The following MACROD2 variants were observed in gnomAD, a reference collection of about 807,000 sequenced individuals.
MACROD2 encodes the protein ADP-ribose glycohydrolase MACROD2.
In MACROD2, 36 loss-of-function variants were observed where a neutral mutation model predicts 70.4. The observed-to-expected ratio is 0.51, with a 90% CI of 0.39 to 0.68. The LOEUF (loss-of-function observed/expected upper bound fraction) is 0.68, where lower values mean the gene tolerates loss of function less well. MACROD2 is among the 30% of genes least tolerant of loss of function. MACROD2 has a pLI of 0.00. For missense variants in MACROD2, 496 were observed against 538.4 expected (o/e 0.92, Z 0.78); for synonymous variants, 172 against 178.8 (o/e 0.96, Z 0.30).
intron 3 of MACROD2, among the ~76,000 whole-genome samples, chr20:14,089,479 T>G (rs890397673): frequency 3.3e-5 from 5 of 152,228 alleles, no homozygotes; most frequent in African/African-American, 1.2e-4. Context: ...ATTAGTACAT[T>G]GGAACACCTG....
At chr20:16,013,781 G>A (rs891719902) in intron 15 of MACROD2, among the ~76,000 whole-genome samples, 8 of 152,184 alleles carry the variant, frequency 5.3e-5, no homozygotes, top group Non-Finnish European at 1.0e-4. Context: ...TTACCACCTC[G>A]CAGATTCCTC....
At chr20:15,815,601 G>T (rs2063865278) in intron 8 of MACROD2, among the ~76,000 whole-genome samples, 1 of 152,092 alleles carries the variant, frequency 6.6e-6, no homozygotes, top group Non-Finnish European at 1.5e-5. Context: ...CCTGATCGTA[G>T]CAGAATGAAA....
At chr20:14,349,955 G>C (rs2083106250) in intron 3 of MACROD2, among the ~76,000 whole-genome samples, 1 of 151,392 alleles carries the variant, frequency 6.6e-6, no homozygotes, top group African/African-American at 2.4e-5. Flanking sequence ...CACCATGTTG[G>C]TCAGGCTGGT....
At chr20:15,201,229 T>C (rs1457943936) in intron 5 of MACROD2, among the ~76,000 whole-genome samples, 2 of 152,146 alleles carry the variant, frequency 1.3e-5, no homozygotes, top group Admixed American at 1.3e-4. Flanking sequence ...GACACAGAGC[T>C]TCTCTACAGA....
chr20:14,831,912 T>C (rs1392573241), intron 5 of MACROD2, among the ~76,000 whole-genome samples: 2 of 150,052 alleles, frequency 1.3e-5, no homozygotes, highest in African/African-American at 5.0e-5. Context: ...GTTTGGTGAT[T>C]GTTATGTTCT....
intron 3 of MACROD2, among the ~76,000 whole-genome samples, chr20:14,114,529 A>C (rs981986525): frequency 6.6e-6 from 1 of 152,126 alleles, no homozygotes; most frequent in Non-Finnish European, 1.5e-5. Flanking sequence ...TGTAGCTCTG[A>C]GAGGGTGATA....
intron 8 of MACROD2, among the ~76,000 whole-genome samples, chr20:15,761,858 C>G (rs890294347): frequency 6.6e-6 from 1 of 152,192 alleles, no homozygotes; most frequent in Non-Finnish European, 1.5e-5. Context: ...TGCAGGAAGA[C>G]CTTTGATTTC....
chr20:15,302,812 A>AT (rs1211226991), intron 6 of MACROD2, among the ~76,000 whole-genome samples: 1 of 152,124 alleles, frequency 6.6e-6, no homozygotes, highest in Non-Finnish European at 1.5e-5. Flanking sequence ...GTCCTGTTTA[A>AT]TTTTTTACAA....
intron 9 of MACROD2, among the ~76,000 whole-genome samples, chr20:15,866,562 G>C (rs2064496624): frequency 6.6e-6 from 1 of 152,180 alleles, no homozygotes; most frequent in South Asian, 2.1e-4. Flanking sequence ...CAACAGAGCT[G>C]TATTTTAAAA....
intron 5 of MACROD2, among the ~76,000 whole-genome samples, chr20:15,033,050 G>A (rs550324720): frequency 6.6e-6 from 1 of 152,116 alleles, no homozygotes; most frequent in Admixed American, 6.5e-5. Flanking sequence ...AGTAGATTAC[G>A]GGTTTCCAGG....
At chr20:15,982,708 A>G (rs148288750) in intron 13 of MACROD2, among the ~76,000 whole-genome samples, 39 of 152,286 alleles carry the variant, frequency 2.6e-4, no homozygotes, top group South Asian at 1.9e-3. Context: ...GCAAACTTCA[A>G]TGGTTATGTA....
intron 8 of MACROD2, among the ~76,000 whole-genome samples, chr20:15,632,429 T>C (rs184246089): frequency 6.6e-6 from 1 of 152,276 alleles, no homozygotes; most frequent in East Asian, 1.9e-4. Context: ...GCCAGTTACA[T>C]GGACAGATAA....
intron 3 of MACROD2, among the ~76,000 whole-genome samples, chr20:14,185,110 A>G (rs2081334472): frequency 6.6e-6 from 1 of 151,594 alleles, no homozygotes; most frequent in South Asian, 2.1e-4. Context: ...TAGATGCTCA[A>G]TAATGATTTG....
At chr20:15,955,394 CT>C (rs2065962137) in intron 12 of MACROD2, among the ~76,000 whole-genome samples, 1 of 152,132 alleles carries the variant, frequency 6.6e-6, no homozygotes, top group Non-Finnish European at 1.5e-5. Flanking sequence ...GTTTGGGTAG[CT>C]GTTACAAATG....
At chr20:15,805,893 C>G (rs1306469592) in intron 8 of MACROD2, among the ~76,000 whole-genome samples, 1 of 152,160 alleles carries the variant, frequency 6.6e-6, no homozygotes, top group African/African-American at 2.4e-5. Flanking sequence ...TCTTGGAGAA[C>G]TGGGAGTATG....
chr20:14,452,458 C>G (rs1024521216), intron 3 of MACROD2, among the ~76,000 whole-genome samples: 2 of 151,796 alleles, frequency 1.3e-5, no homozygotes, highest in African/African-American at 2.4e-5. Flanking sequence ...TTCATTATAC[C>G]AAATAAATTA....
chr20:15,696,968 T>C (rs2050385727), intron 8 of MACROD2, among the ~76,000 whole-genome samples: 2 of 152,142 alleles, frequency 1.3e-5, no homozygotes, highest in Non-Finnish European at 2.9e-5. Flanking sequence ...ATCTTGCTAA[T>C]GGTCTATCAA....
intron 5 of MACROD2, among the ~76,000 whole-genome samples, chr20:14,944,955 C>T (rs2074418631): frequency 6.6e-6 from 1 of 152,140 alleles, no homozygotes; most frequent in East Asian, 1.9e-4. Context: ...CTGCATTCAA[C>T]TTGCTATTTC....
chr20:14,978,346 C>T (rs1187671720), intron 5 of MACROD2, among the ~76,000 whole-genome samples: 1 of 151,218 alleles, frequency 6.6e-6, no homozygotes, highest in Admixed American at 6.6e-5. Flanking sequence ...GTATCCCTAA[C>T]ATAGAAGTAG....
Sources: gnomAD v4.1 joint callset for allele counts (sites outside exome capture counted in the v4.1 genomes callset) on GRCh38, gnomAD v4.1.1 for gene constraint, MANE v1.5 for transcripts, NCBI Gene and HGNC (gene_info 2026-07-23, HGNC 2026-07-21) for gene names.